Variants in RTP2 observed in about 807,000 individuals in gnomAD.
RTP2 encodes the protein receptor-transporting protein 2.
A neutral mutation model predicts 17.9 loss-of-function variants in RTP2; 12 were observed. The ratio of observed to expected loss-of-function variants is 0.67; its 90% CI spans 0.43 to 1.09. The LOEUF is 1.09. RTP2 is among the 50% of genes least tolerant of loss of function. RTP2 has a pLI of 0.00. For missense variants in RTP2, 327 were observed against 295.7 expected (o/e 1.11, Z -0.78); for synonymous variants, 126 against 117.7 (o/e 1.07, Z -0.46).
the RTP2 span, among the ~76,000 whole-genome samples, chr3:187,712,878 T>C: frequency 6.6e-6 from 1 of 152,188 alleles, no homozygotes; most frequent in Admixed American, 6.5e-5. Context: ...ATACAGTCTT[T>C]GCATTTGCAA....
upstream of RTP2, chr3:187,702,598 G>C: frequency 2.2e-6 from 1 of 456,730 alleles, no homozygotes. Flanking sequence ...GGCAGAGCCT[G>C]CTGCTTCCAC....
upstream of RTP2, among the ~76,000 whole-genome samples, chr3:187,704,369 G>T (rs989469603): frequency 2.0e-5 from 3 of 152,098 alleles, no homozygotes; most frequent in South Asian, 2.1e-4. Context: ...GAGTTGAAAA[G>T]GTGTGTACAT....
At chr3:187,703,983 A>G (rs193229945), upstream of RTP2, among the ~76,000 whole-genome samples, 3 of 152,146 alleles carry the variant, frequency 2.0e-5, no homozygotes, top group Admixed American at 6.5e-5. Context: ...TCATACAATC[A>G]GTGAGCACAA....
chr3:187,703,445 A>G (rs1485547909), upstream of RTP2, among the ~76,000 whole-genome samples: 1 of 152,230 alleles, frequency 6.6e-6, no homozygotes, highest in East Asian at 1.9e-4. Context: ...AAGACCTCAG[A>G]AAGGACACAA....
At chr3:187,705,850 C>T (rs73043399), upstream of RTP2, among the ~76,000 whole-genome samples, 6,001 of 152,198 alleles carry the variant, frequency 0.039, 251 homozygotes, top group Admixed American at 0.12. Flanking sequence ...TTGTATTTAC[C>T]CTTAAGGCTG....
At chr3:187,714,527 T>G in the RTP2 span, among the ~76,000 whole-genome samples, 49 of 152,248 alleles carry the variant, frequency 3.2e-4, no homozygotes, top group African/African-American at 1.2e-3. Context: ...TATACCTTCC[T>G]GCTTCCCTGG....
chr3:187,712,724 G>C, the RTP2 span, among the ~76,000 whole-genome samples: 301 of 152,246 alleles, frequency 2.0e-3, 3 homozygotes, highest in Non-Finnish European at 7.9e-4. Context: ...CTGGACCCGA[G>C]GAATTAGAAC....
chr3:187,701,855 G>A, intron 1 of RTP2, 110 bp downstream of exon 1: 1 of 966,950 alleles, frequency 1.0e-6, no homozygotes, highest in East Asian at 2.7e-5. Flanking sequence ...TTCCCCATCT[G>A]AGCTGACACC....
upstream of RTP2, among the ~76,000 whole-genome samples, chr3:187,707,051 A>G (rs1385528549): frequency 6.6e-6 from 1 of 152,178 alleles, no homozygotes; most frequent in African/African-American, 2.4e-5. Flanking sequence ...ATTCATTCCT[A>G]TGTCTGGAGG....
chr3:187,701,846 TC>T (rs2108542540), intron 1 of RTP2, 118 bp downstream of exon 1: 2 of 889,874 alleles, frequency 2.2e-6, no homozygotes, highest in Non-Finnish European at 3.3e-6. Flanking sequence ...TTTGTCTTTT[TC>T]CCCATCTGAG....
At chr3:187,699,505 G>A (rs1303128743) in intron 1 of RTP2, among the ~76,000 whole-genome samples, 2 of 152,130 alleles carry the variant, frequency 1.3e-5, no homozygotes, top group Admixed American at 1.3e-4. Flanking sequence ...ACTGTGCCAA[G>A]CACAGACCCT....
upstream of RTP2, chr3:187,702,665 C>A: frequency 2.3e-6 from 1 of 443,808 alleles, no homozygotes; most frequent in Non-Finnish European, 4.5e-6. Flanking sequence ...ACCGCTTGAC[C>A]TGTGTGCTGG....
chr3:187,709,326 CT>C, the RTP2 span, among the ~76,000 whole-genome samples: 2 of 152,148 alleles, frequency 1.3e-5, no homozygotes, highest in African/African-American at 2.4e-5. Context: ...ATGAGTGCCC[CT>C]ATCTGAAACC....
chr3:187,708,776 C>A, the RTP2 span, among the ~76,000 whole-genome samples: 571 of 152,116 alleles, frequency 3.8e-3, 7 homozygotes, highest in African/African-American at 0.013. Context: ...ACACAAGAAC[C>A]CTATGAGGTG....
chr3:187,701,834 T>G, intron 1 of RTP2, 131 bp downstream of exon 1: 1 of 775,220 alleles, frequency 1.3e-6, no homozygotes, highest in Non-Finnish European at 2.0e-6. Context: ...CAGCCGGCTG[T>G]CTTTGTCTTT....
chr3:187,698,569 G>A (rs1409973653), exon 2 of RTP2: 3 of 1,614,096 alleles, frequency 1.9e-6, no homozygotes, highest in African/African-American at 2.7e-5. Flanking sequence ...GCCCAGAAGA[G>A]GCACCAGCGA....
chr3:187,701,979 C>T (rs778639229), exon 1 of RTP2: 2 of 1,602,796 alleles, frequency 1.2e-6, no homozygotes, highest in Non-Finnish European at 1.7e-6. Context: ...CTGAGGCGTG[C>T]TGCTCCAGGT....
exon 2 of RTP2, chr3:187,698,890 A>G (rs766239325): frequency 7.4e-6 from 12 of 1,611,984 alleles, no homozygotes; most frequent in South Asian, 3.3e-5. Flanking sequence ...CACTCATAGC[A>G]CAGCTGCTTG....
chr3:187,713,803 G>C, the RTP2 span, among the ~76,000 whole-genome samples: 1 of 152,224 alleles, frequency 6.6e-6, no homozygotes, highest in Non-Finnish European at 1.5e-5. Flanking sequence ...AAGTTGCAAA[G>C]GGAGTAGCCT....
Sources: gnomAD v4.1 joint callset for allele counts (sites outside exome capture counted in the v4.1 genomes callset) on GRCh38, gnomAD v4.1.1 for gene constraint, MANE v1.5 for transcripts, NCBI Gene and HGNC (gene_info 2026-07-23, HGNC 2026-07-21) for gene names.